NBAS: variants seen among roughly 807,000 people sequenced by gnomAD.
The protein encoded by NBAS is NBAS subunit of NRZ tethering complex.
A neutral mutation model predicts 302.5 loss-of-function variants in NBAS; 219 were observed. The observed-to-expected ratio is 0.72, with a 90% CI of 0.65 to 0.81. NBAS has a LOEUF of 0.81. Among genes scored for constraint, NBAS ranks in the 30% least tolerant of loss-of-function variants. The pLI, the probability that NBAS is intolerant of heterozygous loss-of-function variation, is 0.00. For missense variants in NBAS, 2,932 were observed against 2,841.6 expected, an observed-to-expected ratio of 1.03 and a Z score of -0.72; for synonymous variants, 1,118 against 1,021.6, an observed-to-expected ratio of 1.09 and a Z score of -1.80.
chr2:15,300,069 A>T (rs915270244), intron 40 of NBAS, among the ~76,000 whole-genome samples: 5 of 152,232 alleles, frequency 3.3e-5, no homozygotes, highest in African/African-American at 4.8e-5. Flanking sequence ...ATCATCTGAG[A>T]GAGCTGCTGG....
chr2:15,078,988 A>G, the NBAS span, among the ~76,000 whole-genome samples: 1 of 152,172 alleles, frequency 6.6e-6, no homozygotes, highest in South Asian at 2.1e-4. Flanking sequence ...ATGATGATCA[A>G]GCTCTGCAAA....
intron 51 of NBAS, among the ~76,000 whole-genome samples, chr2:15,177,470 A>G (rs749901702): frequency 6.6e-6 from 1 of 152,218 alleles, no homozygotes; most frequent in East Asian, 1.9e-4. Context: ...AATCTTTAAA[A>G]TGAAAACTGA....
the NBAS span, among the ~76,000 whole-genome samples, chr2:15,160,603 C>T: frequency 7.0e-5 from 9 of 129,270 alleles, no homozygotes; most frequent in South Asian, 2.4e-3. Flanking sequence ...GGGGGGGGGG[C>T]AGGAGGCTGG....
intron 11 of NBAS, among the ~76,000 whole-genome samples, chr2:15,496,091 T>C (rs1033582027): frequency 3.4e-5 from 4 of 116,978 alleles, no homozygotes; most frequent in African/African-American, 6.3e-5. Flanking sequence ...CACATACATA[T>C]ACAGATACAC....
chr2:15,474,899 G>A (rs1306679966), intron 14 of NBAS, among the ~76,000 whole-genome samples: 3 of 152,102 alleles, frequency 2.0e-5, no homozygotes, highest in African/African-American at 7.2e-5. Flanking sequence ...ATACGGTCTT[G>A]TACATATAAT....
the NBAS span, chr2:14,890,764 G>A: frequency 6.5e-6 from 1 of 153,606 alleles, no homozygotes; most frequent in African/African-American, 2.4e-5. Flanking sequence ...GTTGCAGTGA[G>A]CTGAGATCGG....
Position 15,499,116 on chromosome 2 carries a change from A to C in NBAS, c.954+5029T>G, listed in dbSNP as rs62119718. The stretch of plus-strand genomic sequence containing the variant: ...GCTAATTTTTGCATTTTTAGTAAAA[A>C]TGGGGTTTCACCATGTTAGCTGGGC... On this transcript the variant is annotated intron_variant, in intron 11 of 51. Coordinates refer to ENST00000281513, the MANE Select transcript of NBAS (RefSeq NM_015909.4). Among the ~76,000 whole-genome samples, 1,059 of 152,154 alleles carry C rather than the reference A, an allele frequency of 7.0e-3. 7 individuals carry two copies. The highest frequency in any genetic ancestry group is 9.7e-3 in the Non-Finnish European group (659 of 67,980).
At chr2:14,917,708 T>A in the NBAS span, among the ~76,000 whole-genome samples, 2 of 152,322 alleles carry the variant, frequency 1.3e-5, no homozygotes, top group African/African-American at 4.8e-5. Flanking sequence ...CCCTGAGGCA[T>A]TACTGTGGCA....
intron 51 of NBAS, among the ~76,000 whole-genome samples, chr2:15,167,795 C>A (rs1275791814): frequency 6.6e-6 from 1 of 152,218 alleles, no homozygotes; most frequent in African/African-American, 2.4e-5. Flanking sequence ...TGTACTTTCA[C>A]TGTGATCCAC....
At chr2:15,061,591 A>T in the NBAS span, among the ~76,000 whole-genome samples, 1 of 152,174 alleles carries the variant, frequency 6.6e-6, no homozygotes, top group Non-Finnish European at 1.5e-5. Flanking sequence ...TTGGGGTACT[A>T]ATCCACAGTT....
intron 51 of NBAS, among the ~76,000 whole-genome samples, chr2:15,172,895 G>A (rs1215149172): frequency 1.3e-5 from 2 of 152,196 alleles, no homozygotes; most frequent in Admixed American, 6.5e-5. Flanking sequence ...CTAAACAACT[G>A]TGTGACCTTG....
the NBAS span, among the ~76,000 whole-genome samples, chr2:14,956,844 C>T: frequency 7.2e-5 from 11 of 152,134 alleles, no homozygotes; most frequent in African/African-American, 2.7e-4. Context: ...TGGGTGGGGA[C>T]ACAGCCAAAC....
chr2:14,988,965 G>C, the NBAS span, among the ~76,000 whole-genome samples: 1 of 151,928 alleles, frequency 6.6e-6, no homozygotes, highest in African/African-American at 2.4e-5. Flanking sequence ...TCTCAAAAAA[G>C]GAATAAGGCC....
At chr2:15,461,143 G>T in intron 21 of NBAS, 58 bp downstream of exon 21, 1 of 1,469,470 alleles carries the variant, frequency 6.8e-7, no homozygotes, top group Non-Finnish European at 9.4e-7. Context: ...TGTTCAGCAT[G>T]ACAAAAAAAT....
chr2:15,488,656 C>G (rs1339746628), intron 12 of NBAS, among the ~76,000 whole-genome samples: 1 of 152,082 alleles, frequency 6.6e-6, no homozygotes, highest in Non-Finnish European at 1.5e-5. Context: ...TTAACAAACT[C>G]TTTTACAGAT....
chr2:14,967,868 G>A, the NBAS span, among the ~76,000 whole-genome samples: 2 of 152,070 alleles, frequency 1.3e-5, no homozygotes, highest in Non-Finnish European at 2.9e-5. Context: ...TTTTCCTCTT[G>A]GCAGCTCTCA....
chr2:15,529,027 G>A (rs958946351), intron 9 of NBAS, among the ~76,000 whole-genome samples: 6 of 151,524 alleles, frequency 4.0e-5, no homozygotes, highest in South Asian at 4.2e-4. Context: ...AAAGCTAGCC[G>A]CAATAAATAA....
At chr2:14,928,657 G>T in the NBAS span, among the ~76,000 whole-genome samples, 1 of 151,236 alleles carries the variant, frequency 6.6e-6, no homozygotes, top group African/African-American at 2.4e-5. Flanking sequence ...AGCCAGTTGG[G>T]TTTTGTTTTT....
In NBAS at chr2:15,366,254, C is replaced by G. The variant is rs192474766; in HGVS notation, c.3817+326G>C. ...TGGTAACACTGACTTCTGCTCCTGACTACACAACCATTTTGAGGCACCCTG... is the reference window on the plus strand; with the variant it reads ...TGGTAACACTGACTTCTGCTCCTGAGTACACAACCATTTTGAGGCACCCTG... On this transcript the variant is annotated intron_variant, in intron 32 of 51. Coordinates refer to ENST00000281513, the MANE Select transcript of NBAS (RefSeq NM_015909.4). Among the ~76,000 whole-genome samples the G allele has an allele frequency of 7.0e-4, 106 of 152,298 alleles. No homozygotes were observed. The East Asian group carries it at 0.019, about 27-fold the overall frequency.
Sources: allele counts gnomAD v4.1 joint callset (sites outside exome capture counted in the v4.1 genomes callset), GRCh38; gene constraint gnomAD v4.1.1; transcripts MANE v1.5; gene names NCBI Gene and HGNC (gene_info 2026-07-23, HGNC 2026-07-21).